The following OTUD7A variants were observed in gnomAD, a reference collection of about 807,000 sequenced individuals.
OTUD7A encodes the protein OTU deubiquitinase 7A.
In OTUD7A, 12 loss-of-function variants were observed where a neutral mutation model predicts 65.7. That is an observed-to-expected ratio of 0.18 (90% CI 0.12 to 0.30). The LOEUF (loss-of-function observed/expected upper bound fraction) is 0.30, where lower values mean the gene tolerates loss of function less well. OTUD7A is among the 10% of genes least tolerant of loss of function. OTUD7A has a pLI of 1.00. For missense variants in OTUD7A, 1,148 were observed against 1,304.8 expected (o/e 0.88, Z 1.85); for synonymous variants, 641 against 586.3 (o/e 1.09, Z -1.35).
At chr15:31,673,704 G>A (rs1370275185) in intron 1 of OTUD7A, among the ~76,000 whole-genome samples, 1 of 152,122 alleles carries the variant, frequency 6.6e-6, no homozygotes, top group Non-Finnish European at 1.5e-5. Context: ...TTTTCCTATC[G>A]ATTCCAATCA....
intron 1 of OTUD7A, among the ~76,000 whole-genome samples, chr15:31,837,793 G>A (rs1391544919): frequency 6.6e-6 from 1 of 152,092 alleles, no homozygotes; most frequent in Non-Finnish European, 1.5e-5. Flanking sequence ...AAATATTTAT[G>A]GAAAGGCAAA....
chr15:31,561,560 C>T (rs1231394997), intron 4 of OTUD7A, among the ~76,000 whole-genome samples: 5 of 152,022 alleles, frequency 3.3e-5, no homozygotes, highest in East Asian at 3.8e-4. Context: ...TGAGACACTT[C>T]GATGGCCTTG....
intron 1 of OTUD7A, among the ~76,000 whole-genome samples, chr15:31,860,912 G>C (rs1435199960): frequency 6.8e-6 from 1 of 146,404 alleles, no homozygotes. Flanking sequence ...GTAGAGACGG[G>C]GTTTCACCAT....
intron 1 of OTUD7A, among the ~76,000 whole-genome samples, chr15:31,792,710 T>C (rs1220426868): frequency 2.0e-5 from 3 of 152,188 alleles, no homozygotes; most frequent in Non-Finnish European, 4.4e-5. Context: ...AATTCTTCTT[T>C]ATGTGTATGT....
At chr15:31,660,214 C>T (rs889669904) in intron 1 of OTUD7A, among the ~76,000 whole-genome samples, 2 of 152,212 alleles carry the variant, frequency 1.3e-5, no homozygotes, top group Non-Finnish European at 2.9e-5. Flanking sequence ...TCCGGCCTGG[C>T]GAGGAAGCCC....
intron 3 of OTUD7A, among the ~76,000 whole-genome samples, chr15:31,614,861 C>T (rs1047861018): frequency 2.0e-5 from 3 of 152,048 alleles, no homozygotes; most frequent in Non-Finnish European, 4.4e-5. Context: ...ATATACAAGG[C>T]AGAAGGGGCT....
At chr15:31,629,145 G>T (rs914199020) in intron 3 of OTUD7A, among the ~76,000 whole-genome samples, 1 of 152,136 alleles carries the variant, frequency 6.6e-6, no homozygotes, top group Non-Finnish European at 1.5e-5. Context: ...TCGGAGTGGT[G>T]AGAGAGGGCA....
In OTUD7A at chr15:31,487,248, G is replaced by A. The variant is rs571878696; in HGVS notation, c.1317C>T (p.Asn439=). 9.9e-6 allele frequency: 16 copies of A among 1,614,126 alleles called. No individual in the cohort carries two copies. In the South Asian group the frequency reaches 1.5e-4, roughly 16 times the overall value. Residue 439 remains asparagine (N), a synonymous_variant, in exon 12 of 13, where the codon AAC becomes AAT. Coordinates refer to ENST00000307050, the MANE Select transcript of OTUD7A (RefSeq NM_001382637.1). This position sits in a 1 kb window ranked among gnomAD's most constrained non-coding sequence, Gnocchi z 6.0. ...TCACGTTCATGTAGCTGTGCAGAAG[G>A]TTCAGCTTGGCTTCTAGCGACAGGA... ...HLILSLEAKL[N]LLHSYMNVTW...
chr15:31,753,393 A>C (rs573460729), intron 1 of OTUD7A, among the ~76,000 whole-genome samples: 1 of 151,876 alleles, frequency 6.6e-6, no homozygotes, highest in Non-Finnish European at 1.5e-5. Context: ...ATTTTGGTGC[A>C]CCCATCACCC....
chr15:31,635,413 G>T (rs1431278809), intron 3 of OTUD7A, among the ~76,000 whole-genome samples: 1 of 152,210 alleles, frequency 6.6e-6, no homozygotes, highest in Non-Finnish European at 1.5e-5. Context: ...GGCTAGCGGA[G>T]CAAATAATAT....
intron 1 of OTUD7A, among the ~76,000 whole-genome samples, chr15:31,671,308 G>C (rs1419658138): frequency 2.0e-5 from 3 of 152,124 alleles, no homozygotes; most frequent in African/African-American, 4.8e-5. Flanking sequence ...AGTTTTCCCA[G>C]CACCATTTAT....
chr15:31,596,641 G>A (rs920582526), intron 3 of OTUD7A, among the ~76,000 whole-genome samples: 8 of 151,998 alleles, frequency 5.3e-5, no homozygotes, highest in Non-Finnish European at 1.0e-4. Context: ...CTAATACTTC[G>A]TATTGTCAGC....
intron 1 of OTUD7A, among the ~76,000 whole-genome samples, chr15:31,678,831 T>C (rs992545583): frequency 2.0e-5 from 3 of 152,238 alleles, no homozygotes. Flanking sequence ...ACTGAGGCAC[T>C]GCTTAGTGGA....
At chr15:31,848,553 C>G (rs142849601) in intron 1 of OTUD7A, among the ~76,000 whole-genome samples, 68 of 152,344 alleles carry the variant, frequency 4.5e-4, no homozygotes, top group African/African-American at 1.5e-3. Flanking sequence ...AACCTCTAAG[C>G]TGCCTCTCTC....
intron 3 of OTUD7A, among the ~76,000 whole-genome samples, chr15:31,634,150 C>T (rs1457962338): frequency 6.6e-6 from 1 of 152,154 alleles, no homozygotes; most frequent in Admixed American, 6.5e-5. Flanking sequence ...TGCCATCCAC[C>T]AGGATAAAGA....
intron 5 of OTUD7A, among the ~76,000 whole-genome samples, chr15:31,533,176 T>A (rs1312972939): frequency 6.6e-6 from 1 of 151,732 alleles, no homozygotes; most frequent in East Asian, 1.9e-4. Flanking sequence ...GGAAAAACAA[T>A]TCTAAAGACA....
At chr15:31,696,175 G>A (rs900366212) in intron 1 of OTUD7A, among the ~76,000 whole-genome samples, 1 of 140,522 alleles carries the variant, frequency 7.1e-6, no homozygotes, top group African/African-American at 2.5e-5. Context: ...GGGTGGACAG[G>A]CAGAATGGGC....
At chr15:31,651,448 T>C (rs1891832298) in intron 3 of OTUD7A, among the ~76,000 whole-genome samples, 1 of 152,178 alleles carries the variant, frequency 6.6e-6, no homozygotes, top group Admixed American at 6.5e-5. Context: ...CTATTTAACC[T>C]TTTGAATAGT....
intron 3 of OTUD7A, among the ~76,000 whole-genome samples, chr15:31,574,675 T>C (rs1566927045): frequency 6.6e-6 from 1 of 152,236 alleles, no homozygotes; most frequent in Non-Finnish European, 1.5e-5. Context: ...TTTTATTCTT[T>C]GTATTTTATG....
Sources: allele counts gnomAD v4.1 joint callset (sites outside exome capture counted in the v4.1 genomes callset), GRCh38; gene constraint gnomAD v4.1.1; non-coding constraint Gnocchi (gnomAD v3.1); transcripts MANE v1.5; gene names NCBI Gene and HGNC (gene_info 2026-07-23, HGNC 2026-07-21).